ST3GAL4: variants seen among roughly 807,000 people sequenced by gnomAD.
ST3GAL4 encodes the protein ST3 beta-galactoside alpha-2,3-sialyltransferase 4.
ST3GAL4 carries 24 observed loss-of-function variants against 42.6 expected under a neutral mutation model. That is an observed-to-expected ratio of 0.56 (90% CI 0.41 to 0.79). The LOEUF (loss-of-function observed/expected upper bound fraction) is 0.79, where lower values mean the gene tolerates loss of function less well. Among genes scored for constraint, ST3GAL4 ranks in the 30% least tolerant of loss-of-function variants. The pLI is 0.00. For synonymous variants in ST3GAL4, 135 were observed against 163.2 expected (o/e 0.83, Z 1.32); for missense variants, 311 against 430.8 (o/e 0.72, Z 2.46).
In ST3GAL4 at chr11:126,376,504, A is replaced by G. The variant is rs1185235511; in HGVS notation, c.-61+20662A>G. 6.6e-6 allele frequency among the ~76,000 whole-genome samples: 1 copy of G among 152,244 alleles called. No homozygotes were observed. Among genetic ancestry groups the G allele is most frequent in the Non-Finnish European group, 1.5e-5 (1 of 68,042 alleles). ...TTGGAAGTTTCCTAGTCACATAACCATATGTTAGTTGGCTACTTATGATTG... is the reference window on the plus strand; with the variant it reads ...TTGGAAGTTTCCTAGTCACATAACCGTATGTTAGTTGGCTACTTATGATTG... On this transcript the variant is annotated intron_variant, in intron 1 of 10. Coordinates refer to ENST00000444328, the MANE Select transcript of ST3GAL4 (RefSeq NM_001254757.2). The surrounding 1 kb of genome is among the most constrained non-coding windows in gnomAD (Gnocchi z 5.1).
rs997907230 is a variant in ST3GAL4, at chr11:126,363,773, C to T, written c.-61+7931C>T. Among the ~76,000 whole-genome samples, 2 of 152,170 alleles carry T rather than the reference C, an allele frequency of 1.3e-5. No individual in the cohort carries two copies. Among genetic ancestry groups the T allele is most frequent in the Non-Finnish European group, 2.9e-5 (2 of 68,028 alleles). ...GCTCTTTCTCCCAGGGGAAGCTGCT[C>T]GAATGAGGGGAGTTGGCCAACACAG... On this transcript the variant is annotated intron_variant, in intron 1 of 10. Coordinates refer to ENST00000444328, the MANE Select transcript of ST3GAL4 (RefSeq NM_001254757.2). This position sits in a 1 kb window ranked among gnomAD's most constrained non-coding sequence, Gnocchi z 4.6.
At chr11:126,368,930 C>A (rs1462508048) in intron 1 of ST3GAL4, among the ~76,000 whole-genome samples, 1 of 152,148 alleles carries the variant, frequency 6.6e-6, no homozygotes, top group Non-Finnish European at 1.5e-5. Context: ...ACCCCTCCCC[C>A]ACCCCGTTGG....
intron 4 of ST3GAL4, 106 bp downstream of exon 4, chr11:126,407,129 A>C (rs1012263432): frequency 6.8e-7 from 1 of 1,469,128 alleles, no homozygotes; most frequent in Non-Finnish European, 9.5e-7. Context: ...GTTGGTGGAC[A>C]TGGGTTAGGT....
chr11:126,380,607 T>G (rs1156463430), intron 1 of ST3GAL4, among the ~76,000 whole-genome samples: 1 of 152,252 alleles, frequency 6.6e-6, no homozygotes, highest in Non-Finnish European at 1.5e-5. Context: ...CATTTCTGCA[T>G]TCAGCCTTTC....
rs905277264 is a variant in ST3GAL4 at position 126,366,698 on chromosome 11, A to G, written c.-61+10856A>G. On this transcript the variant is annotated intron_variant, in intron 1 of 10. Transcript: ENST00000444328. This position sits in a 1 kb window ranked among gnomAD's most constrained non-coding sequence, Gnocchi z 4.2. Reference sequence around the variant, plus strand: ...CGAACCCTCAGCTGCACAGGTCTGGAAACATCCTTGTTCATCAAGCACCAG... The same window carrying G: ...CGAACCCTCAGCTGCACAGGTCTGGGAACATCCTTGTTCATCAAGCACCAG... Among the ~76,000 whole-genome samples the G allele has an allele frequency of 6.6e-6, 1 of 152,144 alleles. No individual in the cohort carries two copies. Among genetic ancestry groups the G allele is most frequent in the Non-Finnish European group, 1.5e-5 (1 of 68,022 alleles).
chr11:126,402,084 T>TG (rs1367588203), intron 1 of ST3GAL4, among the ~76,000 whole-genome samples: 1 of 79,692 alleles, frequency 1.3e-5, no homozygotes, highest in African/African-American at 4.4e-5. Context: ...TGGAAGGATT[T>TG]GGGGGAAAGA....
At chr11:126,403,835 C>T (rs1256668565) in intron 1 of ST3GAL4, among the ~76,000 whole-genome samples, 2 of 152,238 alleles carry the variant, frequency 1.3e-5, no homozygotes, top group Non-Finnish European at 2.9e-5. Flanking sequence ...TGCAAATCCC[C>T]GCCTGCCCTG....
rs768159591 is a variant in ST3GAL4, at chr11:126,408,495, G to A, written c.626G>A (p.Arg209Gln). 9 of 1,614,082 alleles carry A rather than the reference G, an allele frequency of 5.6e-6. No homozygotes were observed. Among genetic ancestry groups the A allele is most frequent in the East Asian group, 2.2e-5 (1 of 44,886 alleles). Residue 209 changes from arginine to glutamine, a missense_variant and splice_region_variant, in exon 8 of 11, where the codon CGG becomes CAG. Transcript: ENST00000444328. ...WIETILSDKK[R>Q]VRKGFWKQPP... ...GAGACCATCCTGAGTGATAAGAAGC[G>A]GGTAAGTTGGGGGACAGACTGGGGG... is the stretch of plus-strand genomic sequence containing the variant.
intron 1 of ST3GAL4, among the ~76,000 whole-genome samples, chr11:126,362,549 C>G (rs1042381501): frequency 1.3e-5 from 2 of 152,120 alleles, no homozygotes. Context: ...ATCCAGTGCC[C>G]GGACTCCAGC....
chr11:126,385,002 G>C (rs943174976), intron 1 of ST3GAL4, among the ~76,000 whole-genome samples: 2 of 152,148 alleles, frequency 1.3e-5, no homozygotes, highest in Non-Finnish European at 2.9e-5. Context: ...CTTGTTCTGT[G>C]CCCAGCCCCT....
At chr11:126,380,879 T>C (rs10893500) in intron 1 of ST3GAL4, among the ~76,000 whole-genome samples, 28,593 of 152,088 alleles carry the variant, frequency 0.19, 3,000 homozygotes, top group East Asian at 0.36. Flanking sequence ...TTGGCCAAAG[T>C]AGGGAGATTT....
intron 1 of ST3GAL4, among the ~76,000 whole-genome samples, chr11:126,374,658 G>A (rs1348559776): frequency 3.3e-5 from 5 of 152,102 alleles, no homozygotes; most frequent in Non-Finnish European, 7.4e-5. Flanking sequence ...GGCAAGGAGG[G>A]AGGAGGTGCT....
intron 1 of ST3GAL4, among the ~76,000 whole-genome samples, chr11:126,371,796 C>G (rs2135410536): frequency 6.6e-6 from 1 of 152,358 alleles, no homozygotes; most frequent in African/African-American, 2.4e-5. Context: ...CCCGGAAATG[C>G]AATCGCCAGA....
At position 126,373,245 on chromosome 11, in the gene ST3GAL4, T is replaced by C. The variant is rs751724531; in HGVS notation, c.-61+17403T>C. ...TGCTGATTCTAGGAGGTACTGCATCTAGAAAGATGGGAGGTGGGGAGTGCA... is the reference window on the plus strand; with the variant it reads ...TGCTGATTCTAGGAGGTACTGCATCCAGAAAGATGGGAGGTGGGGAGTGCA... On this transcript the variant is annotated intron_variant, in intron 1 of 10. Transcript: ENST00000444328. This position sits in a 1 kb window ranked among gnomAD's most constrained non-coding sequence, Gnocchi z 5.5. Among the ~76,000 whole-genome samples the C allele has an allele frequency of 3.3e-5, 5 of 152,148 alleles. No individual in the cohort carries two copies. Among genetic ancestry groups the C allele is most frequent in the Non-Finnish European group, 5.9e-5 (4 of 68,022 alleles).
rs1271347667 is a variant in ST3GAL4, at chr11:126,366,261, C to T, written c.-61+10419C>T. 2.0e-5 allele frequency among the ~76,000 whole-genome samples: 3 copies of T among 152,136 alleles called. No homozygotes were observed. Among genetic ancestry groups the T allele is most frequent in the East Asian group, 3.9e-4 (2 of 5,172 alleles). On this transcript the variant is annotated intron_variant, in intron 1 of 10. Transcript: ENST00000444328. The surrounding 1 kb of genome is among the most constrained non-coding windows in gnomAD (Gnocchi z 4.2). ...CAGCAGCAGCTGCTGTAGCTGAGCCCGGCCCACGGCCAGCCCTGAGGAATG... is the reference window on the plus strand; with the variant it reads ...CAGCAGCAGCTGCTGTAGCTGAGCCTGGCCCACGGCCAGCCCTGAGGAATG...
chr11:126,361,733 G>T (rs529944130), intron 1 of ST3GAL4, among the ~76,000 whole-genome samples: 11 of 152,268 alleles, frequency 7.2e-5, no homozygotes, highest in Admixed American at 2.0e-4. Context: ...GGTTCTGGGG[G>T]TAGTGCCTGA....
At chr11:126,368,738 T>C (rs74612335) in intron 1 of ST3GAL4, among the ~76,000 whole-genome samples, 22,438 of 152,162 alleles carry the variant, frequency 0.15, 1,822 homozygotes, top group East Asian at 0.32. Context: ...AGACAAACAC[T>C]GGTGGGTGGC....
intron 1 of ST3GAL4, among the ~76,000 whole-genome samples, chr11:126,369,262 G>C (rs560936757): frequency 1.3e-5 from 2 of 151,844 alleles, no homozygotes; most frequent in Non-Finnish European, 2.9e-5. Flanking sequence ...TTTTTGGGGG[G>C]GGGAGGCAGA....
In ST3GAL4 at chr11:126,383,689, G is replaced by C. The variant is rs1953101339; in HGVS notation, c.-60-22407G>C. ...TACTGACATGGGAGGGCCGGTGTGA[G>C]CTGCAGGGACCGGAGAGCTGCTGGA... On this transcript the variant is annotated intron_variant, in intron 1 of 10. Coordinates refer to ENST00000444328, the MANE Select transcript of ST3GAL4 (RefSeq NM_001254757.2). This position sits in a 1 kb window ranked among gnomAD's most constrained non-coding sequence, Gnocchi z 4.5. Among the ~76,000 whole-genome samples the C allele has an allele frequency of 6.6e-6, 1 of 152,154 alleles. No homozygotes were observed. The highest frequency in any genetic ancestry group is 1.5e-5 in the Non-Finnish European group (1 of 68,020).
Sources: allele counts gnomAD v4.1 joint callset (sites outside exome capture counted in the v4.1 genomes callset), GRCh38; gene constraint gnomAD v4.1.1; non-coding constraint Gnocchi (gnomAD v3.1); transcripts MANE v1.5; gene names NCBI Gene and HGNC (gene_info 2026-07-23, HGNC 2026-07-21).